The following TMEM132D variants were observed in gnomAD, a reference collection of about 807,000 sequenced individuals.
TMEM132D encodes mature OL transmembrane protein.
A neutral mutation model predicts 62.3 loss-of-function variants in TMEM132D; 21 were observed. That is an observed-to-expected ratio of 0.34 (90% CI 0.24 to 0.49). The LOEUF (loss-of-function observed/expected upper bound fraction) is 0.49. Among genes scored for constraint, TMEM132D ranks in the 20% least tolerant of loss-of-function variants. TMEM132D has a pLI of 0.99. For missense variants in TMEM132D, 1,346 were observed against 1,402.8 expected, an observed-to-expected ratio of 0.96 and a Z score of 0.65; for synonymous variants, 621 against 575.6, an observed-to-expected ratio of 1.08 and a Z score of -1.13.
chr12:129,478,385 G>A (rs888319575), intron 3 of TMEM132D, among the ~76,000 whole-genome samples: 2 of 152,196 alleles, frequency 1.3e-5, no homozygotes, highest in Non-Finnish European at 2.9e-5. Flanking sequence ...TGATAGGAAT[G>A]TTTTGGTTCC....
chr12:129,898,760 G>A (rs1469468920), intron 1 of TMEM132D, among the ~76,000 whole-genome samples: 2 of 152,246 alleles, frequency 1.3e-5, no homozygotes, highest in Non-Finnish European at 2.9e-5. Flanking sequence ...TCTGGGAATA[G>A]TAACCATATC....
chr12:129,706,093 C>T (rs948952034), intron 1 of TMEM132D, among the ~76,000 whole-genome samples: 3 of 151,350 alleles, frequency 2.0e-5, no homozygotes, highest in Non-Finnish European at 3.0e-5. Context: ...CACAGATAAA[C>T]AAAAATAGAA....
intron 1 of TMEM132D, among the ~76,000 whole-genome samples, chr12:129,757,833 C>T (rs1593149946): frequency 6.6e-6 from 1 of 152,178 alleles, no homozygotes; most frequent in Non-Finnish European, 1.5e-5. Context: ...TGTGTCCACC[C>T]AGAACCTTGC....
At chr12:129,821,018 T>C (rs1264444099) in intron 1 of TMEM132D, among the ~76,000 whole-genome samples, 5 of 152,200 alleles carry the variant, frequency 3.3e-5, no homozygotes, top group African/African-American at 1.2e-4. Flanking sequence ...CTCTCTTCAT[T>C]TTCTTCTCCC....
chr12:129,654,331 C>T (rs1194850734), intron 2 of TMEM132D, among the ~76,000 whole-genome samples: 1 of 150,122 alleles, frequency 6.7e-6, no homozygotes, highest in Non-Finnish European at 1.5e-5. Context: ...CTGAGCACTT[C>T]CTTTTTGCCA....
intron 4 of TMEM132D, chr12:129,211,822 A>AT (rs1183561938): frequency 6.6e-6 from 1 of 152,178 alleles, no homozygotes; most frequent in Non-Finnish European, 1.5e-5. Flanking sequence ...TTTAATTCGA[A>AT]TAAAAACATG....
intron 3 of TMEM132D, among the ~76,000 whole-genome samples, chr12:129,442,573 T>C (rs1872971427): frequency 1.3e-5 from 2 of 152,096 alleles, no homozygotes; most frequent in South Asian, 4.2e-4. Context: ...ATGCATCCCA[T>C]TCTCCTTCCG....
Position 129,832,804 on chromosome 12 carries a change from C to G in TMEM132D, c.79+70457G>C, listed in dbSNP as rs963646640. Among the ~76,000 whole-genome samples the G allele has an allele frequency of 8.5e-5, 13 of 152,222 alleles. 1 individual carries two copies. Among genetic ancestry groups the G allele is most frequent in the South Asian group, 2.1e-4 (1 of 4,832 alleles). ...TATGGAGCCGTCACTTTTCTGAATC[C>G]TGGGGGAGTCCTTCAAAGGCACCGT... On this transcript the variant is annotated intron_variant, in intron 1 of 8. Coordinates refer to ENST00000422113, the MANE Select transcript of TMEM132D (RefSeq NM_133448.3).
At chr12:129,134,404 G>A (rs1876494006) in intron 5 of TMEM132D, among the ~76,000 whole-genome samples, 1 of 152,110 alleles carries the variant, frequency 6.6e-6, no homozygotes, top group Non-Finnish European at 1.5e-5. Flanking sequence ...GTGATTGATT[G>A]TTGTCCCCTG....
chr12:129,624,344 G>A (rs113635390), intron 2 of TMEM132D, among the ~76,000 whole-genome samples: 80 of 152,284 alleles, frequency 5.3e-4, no homozygotes, highest in African/African-American at 1.7e-3. Context: ...TCAGAGACCC[G>A]GCAGAACAAA....
At chr12:129,411,362 G>C (rs893558851) in intron 3 of TMEM132D, among the ~76,000 whole-genome samples, 1 of 152,008 alleles carries the variant, frequency 6.6e-6, no homozygotes, top group Non-Finnish European at 1.5e-5. Flanking sequence ...GCTTTGTTTG[G>C]TTTGGGCTTG....
intron 4 of TMEM132D, among the ~76,000 whole-genome samples, chr12:129,214,569 C>T (rs1879149531): frequency 6.6e-6 from 1 of 152,146 alleles, no homozygotes; most frequent in Non-Finnish European, 1.5e-5. Context: ...TAGTTTTTGG[C>T]TGCCCTTAAT....
chr12:129,732,134 G>A (rs1869269666), intron 1 of TMEM132D, among the ~76,000 whole-genome samples: 1 of 152,052 alleles, frequency 6.6e-6, no homozygotes, highest in African/African-American at 2.4e-5. Context: ...TGCTGTCTGG[G>A]AACCCAGCCA....
chr12:129,590,125 T>A (rs183635864), intron 2 of TMEM132D, among the ~76,000 whole-genome samples: 212 of 152,156 alleles, frequency 1.4e-3, no homozygotes, highest in African/African-American at 4.6e-3. Flanking sequence ...TATTTTGAAT[T>A]TTTTTCATTC....
At chr12:129,782,168 A>T (rs894964591) in intron 1 of TMEM132D, among the ~76,000 whole-genome samples, 15 of 152,204 alleles carry the variant, frequency 9.9e-5, no homozygotes, top group African/African-American at 3.4e-4. Flanking sequence ...TTTGCATCAC[A>T]CTTACTGGTT....
chr12:129,520,182 TC>T (rs1292565552), intron 3 of TMEM132D, among the ~76,000 whole-genome samples: 5 of 152,160 alleles, frequency 3.3e-5, no homozygotes. Flanking sequence ...GCCTCCCAAC[TC>T]CCCTACTCTC....
chr12:129,283,528 G>C (rs1881216230), intron 4 of TMEM132D, among the ~76,000 whole-genome samples: 1 of 152,158 alleles, frequency 6.6e-6, no homozygotes, highest in African/African-American at 2.4e-5. Context: ...TCTCCTAAAT[G>C]TTTTCTCATG....
chr12:129,426,691 TC>T (rs1872511859), intron 3 of TMEM132D, among the ~76,000 whole-genome samples: 1 of 152,184 alleles, frequency 6.6e-6, no homozygotes, highest in African/African-American at 2.4e-5. Flanking sequence ...ATGTGCTTAC[TC>T]TAAGCCAAAC....
intron 2 of TMEM132D, among the ~76,000 whole-genome samples, chr12:129,624,488 G>A (rs1282351645): frequency 6.6e-6 from 1 of 152,226 alleles, no homozygotes; most frequent in African/African-American, 2.4e-5. Flanking sequence ...GGACCCAGAG[G>A]AGCTTGGGGA....
Sources: gnomAD v4.1 joint callset for allele counts (sites outside exome capture counted in the v4.1 genomes callset) on GRCh38, gnomAD v4.1.1 for gene constraint, MANE v1.5 for transcripts, NCBI Gene and HGNC (gene_info 2026-07-23, HGNC 2026-07-21) for gene names.